KCNIP4: variants seen among roughly 807,000 people sequenced by gnomAD.
KCNIP4 encodes Kv channel-interacting protein 4.
KCNIP4 carries 12 observed loss-of-function variants against 34.0 expected under a neutral mutation model. The ratio of observed to expected loss-of-function variants is 0.35; its 90% CI spans 0.23 to 0.57. The LOEUF is 0.57. Ranked by LOEUF, KCNIP4 falls within the 20% of genes least tolerant of loss-of-function variation. The pLI is 0.83. For missense variants in KCNIP4, 238 were observed against 311.7 expected, an observed-to-expected ratio of 0.76 and a Z score of 1.78; for synonymous variants, 124 against 102.2, an observed-to-expected ratio of 1.21 and a Z score of -1.29.
chr4:21,744,330 T>C (rs1716625776), intron 1 of KCNIP4, among the ~76,000 whole-genome samples: 1 of 152,066 alleles, frequency 6.6e-6, no homozygotes, highest in Admixed American at 6.5e-5. Flanking sequence ...TATTACTCAC[T>C]CTCATCTCAA....
At chr4:21,082,916 A>AG (rs1306555687) in intron 1 of KCNIP4, among the ~76,000 whole-genome samples, 1 of 110,114 alleles carries the variant, frequency 9.1e-6, no homozygotes, top group African/African-American at 3.1e-5. Context: ...TCTATCTAAA[A>AG]TTTATGTATA....
At chr4:21,667,237 AC>A (rs1749048116) in intron 1 of KCNIP4, among the ~76,000 whole-genome samples, 1 of 152,154 alleles carries the variant, frequency 6.6e-6, no homozygotes. Context: ...GGCTCATCTC[AC>A]ATTAGTTTTC....
chr4:21,158,106 G>C (rs940105819), intron 1 of KCNIP4, among the ~76,000 whole-genome samples: 2 of 151,942 alleles, frequency 1.3e-5, no homozygotes, highest in Non-Finnish European at 2.9e-5. Flanking sequence ...ATTTTACTCA[G>C]GAAGAAATAG....
At chr4:21,231,052 C>T (rs1437628801) in intron 1 of KCNIP4, among the ~76,000 whole-genome samples, 1 of 152,100 alleles carries the variant, frequency 6.6e-6, no homozygotes, top group Non-Finnish European at 1.5e-5. Context: ...GAATTTGTTA[C>T]AGCAGTCCTA....
At chr4:20,967,439 C>G (rs1348817252) in intron 1 of KCNIP4, among the ~76,000 whole-genome samples, 1 of 152,080 alleles carries the variant, frequency 6.6e-6, no homozygotes, top group East Asian at 1.9e-4. Context: ...CTTTAAAGTT[C>G]ATATGGAACC....
intron 1 of KCNIP4, among the ~76,000 whole-genome samples, chr4:21,668,342 GT>G (rs971008667): frequency 2.0e-5 from 3 of 151,304 alleles, no homozygotes; most frequent in African/African-American, 4.9e-5. Context: ...ATATATCCCG[GT>G]TTTTTTTAGA....
intron 3 of KCNIP4, among the ~76,000 whole-genome samples, chr4:20,799,631 A>T (rs2149415216): frequency 6.6e-6 from 1 of 152,288 alleles, no homozygotes; most frequent in South Asian, 2.1e-4. Context: ...CCCAAGCCAC[A>T]GTGGTGCCTT....
chr4:21,732,965 A>T (rs1373960442), intron 1 of KCNIP4, among the ~76,000 whole-genome samples: 1 of 152,222 alleles, frequency 6.6e-6, no homozygotes, highest in Non-Finnish European at 1.5e-5. Context: ...TATTGATATT[A>T]AAGATAACAT....
chr4:20,757,502 A>G (rs1035193834), intron 4 of KCNIP4, among the ~76,000 whole-genome samples: 1 of 152,102 alleles, frequency 6.6e-6, no homozygotes, highest in Non-Finnish European at 1.5e-5. Context: ...TTGACTCTCT[A>G]GGACATTTCA....
chr4:21,428,092 G>T (rs1453754010), intron 1 of KCNIP4, among the ~76,000 whole-genome samples: 1 of 152,182 alleles, frequency 6.6e-6, no homozygotes, highest in East Asian at 1.9e-4. Context: ...TGACAAATAC[G>T]GTAACCTGGA....
chr4:21,278,740 T>G (rs1403413127), intron 1 of KCNIP4, among the ~76,000 whole-genome samples: 1 of 150,634 alleles, frequency 6.6e-6, no homozygotes, highest in Non-Finnish European at 1.5e-5. Flanking sequence ...TAAGGAGAGA[T>G]GTCCCCAAGG....
chr4:20,841,062 A>G (rs1230053487), intron 3 of KCNIP4, among the ~76,000 whole-genome samples: 3 of 152,190 alleles, frequency 2.0e-5, no homozygotes, highest in African/African-American at 7.2e-5. Flanking sequence ...GTGTTAAACT[A>G]CTGGGTGTAG....
At chr4:21,733,066 A>C (rs1277647229) in intron 1 of KCNIP4, among the ~76,000 whole-genome samples, 1 of 152,244 alleles carries the variant, frequency 6.6e-6, no homozygotes, top group Non-Finnish European at 1.5e-5. Flanking sequence ...GAAAAGTACG[A>C]ATCTCAACGC....
intron 1 of KCNIP4, among the ~76,000 whole-genome samples, chr4:21,463,201 A>G (rs1279702519): frequency 6.6e-6 from 1 of 152,048 alleles, no homozygotes; most frequent in Non-Finnish European, 1.5e-5. Context: ...TTTTTGATAG[A>G]AGTCATTCTA....
intron 1 of KCNIP4, among the ~76,000 whole-genome samples, chr4:21,813,259 T>A (rs534991390): frequency 2.0e-5 from 3 of 152,202 alleles, no homozygotes; most frequent in African/African-American, 4.8e-5. Context: ...CAGTTTCTAT[T>A]TTCTGTCTTG....
chr4:20,764,577 CATG>C (rs1348626560), intron 3 of KCNIP4, among the ~76,000 whole-genome samples: 2 of 152,014 alleles, frequency 1.3e-5, no homozygotes, highest in African/African-American at 4.8e-5. Context: ...TATGCACAGT[CATG>C]GTGCTTTCCA....
intron 1 of KCNIP4, among the ~76,000 whole-genome samples, chr4:21,234,008 CAT>C (rs1348277280): frequency 2.7e-5 from 3 of 112,320 alleles, no homozygotes; most frequent in Non-Finnish European, 5.1e-5. Flanking sequence ...TAATATATAA[CAT>C]ATATAACATA....
At chr4:21,574,376 G>C (rs1469052051) in intron 1 of KCNIP4, among the ~76,000 whole-genome samples, 1 of 151,842 alleles carries the variant, frequency 6.6e-6, no homozygotes. Context: ...AGATCAAAGA[G>C]AGTGTTCTAT....
chr4:21,261,263 C>G (rs116259581), intron 1 of KCNIP4, among the ~76,000 whole-genome samples: 1 of 152,082 alleles, frequency 6.6e-6, no homozygotes, highest in African/African-American at 2.4e-5. Flanking sequence ...AAGCAAATAT[C>G]ATTGCGTAAA....
Sources: allele counts gnomAD v4.1 joint callset (sites outside exome capture counted in the v4.1 genomes callset), GRCh38; gene constraint gnomAD v4.1.1; transcripts MANE v1.5; gene names NCBI Gene and HGNC (gene_info 2026-07-23, HGNC 2026-07-21).